CSMD1: variants seen among roughly 807,000 people sequenced by gnomAD.
CSMD1 encodes the protein CUB and sushi domain-containing protein 1.
CSMD1 carries 213 observed loss-of-function variants against 417.5 expected under a neutral mutation model. The observed-to-expected ratio is 0.51, with a 90% CI of 0.46 to 0.57. The LOEUF (loss-of-function observed/expected upper bound fraction) is 0.57. Ranked by LOEUF, CSMD1 falls within the 20% of genes least tolerant of loss-of-function variation. The pLI, the probability that CSMD1 is intolerant of heterozygous loss-of-function variation, is 0.00. For synonymous variants in CSMD1, 2,862 were observed against 1,736.8 expected, an observed-to-expected ratio of 1.65 and a Z score of -16.11; for missense variants, 6,923 against 4,529.7, an observed-to-expected ratio of 1.53 and a Z score of -15.17.
intron 1 of CSMD1, among the ~76,000 whole-genome samples, chr8:4,908,678 C>A (rs889139152): frequency 6.6e-6 from 1 of 151,140 alleles, no homozygotes; most frequent in Admixed American, 6.6e-5. Context: ...AGGCTGTATT[C>A]AGTCTAGCAA....
intron 5 of CSMD1, among the ~76,000 whole-genome samples, chr8:3,965,029 T>A (rs891618197): frequency 1.3e-5 from 2 of 152,222 alleles, no homozygotes; most frequent in Non-Finnish European, 2.9e-5. Context: ...TGATAGTTTC[T>A]ACACAATGTG....
chr8:3,660,051 G>C (rs1300052703), intron 7 of CSMD1, among the ~76,000 whole-genome samples: 1 of 152,196 alleles, frequency 6.6e-6, no homozygotes, highest in African/African-American at 2.4e-5. Flanking sequence ...CCTGTGTTCA[G>C]CAACACGCTA....
At chr8:4,796,321 G>T (rs139889295) in intron 1 of CSMD1, among the ~76,000 whole-genome samples, 1 of 151,892 alleles carries the variant, frequency 6.6e-6, no homozygotes, top group Non-Finnish European at 1.5e-5. Flanking sequence ...GATGACAAGC[G>T]ACCAACGTGA....
chr8:3,580,771 T>A (rs1800348663), intron 9 of CSMD1, among the ~76,000 whole-genome samples: 1 of 152,170 alleles, frequency 6.6e-6, no homozygotes, highest in African/African-American at 2.4e-5. Context: ...ATCCTGACAC[T>A]GGATCTATAA....
At chr8:3,026,891 G>A (rs1809969854) in intron 51 of CSMD1, among the ~76,000 whole-genome samples, 1 of 152,194 alleles carries the variant, frequency 6.6e-6, no homozygotes, top group African/African-American at 2.4e-5. Flanking sequence ...TCTGCTGAAT[G>A]ACCTTGGTAA....
chr8:3,166,473 G>A (rs1460094211), intron 37 of CSMD1, among the ~76,000 whole-genome samples: 1 of 152,144 alleles, frequency 6.6e-6, no homozygotes, highest in African/African-American at 2.4e-5. Context: ...AGCAGAGGTT[G>A]CAGTGAGCCA....
intron 3 of CSMD1, among the ~76,000 whole-genome samples, chr8:4,333,341 A>C (rs1365011237): frequency 6.6e-6 from 1 of 152,128 alleles, no homozygotes; most frequent in Non-Finnish European, 1.5e-5. Flanking sequence ...GATGATACAG[A>C]AAGGGCGAGC....
intron 25 of CSMD1, among the ~76,000 whole-genome samples, chr8:3,297,464 T>A (rs1390723107): frequency 6.6e-6 from 1 of 152,152 alleles, no homozygotes; most frequent in Non-Finnish European, 1.5e-5. Flanking sequence ...TTGTACTAGA[T>A]AAGCAAATAG....
intron 1 of CSMD1, among the ~76,000 whole-genome samples, chr8:4,981,138 G>C (rs1375740640): frequency 6.7e-6 from 1 of 149,958 alleles, no homozygotes; most frequent in Non-Finnish European, 1.5e-5. Context: ...CCTGAAAATG[G>C]GATCAAAATA....
At chr8:3,921,978 G>A (rs1334795607) in intron 5 of CSMD1, among the ~76,000 whole-genome samples, 2 of 152,114 alleles carry the variant, frequency 1.3e-5, no homozygotes, top group Non-Finnish European at 2.9e-5. Context: ...TTGGAAAGCA[G>A]TGCATTAAAG....
rs767170676 is a variant in CSMD1 at position 2,966,621 on chromosome 8, G to A, written c.9049C>T (p.Arg3017Trp). ...CAGGTCCCATTGGCTGTGCAATGCC[G>A]TGTCATGAGCCCTGAGGTCTTGTAG... ...EGYKTSGLMT[R>W]HCTANGTWTG... Residue 3017 changes from arginine to tryptophan, a missense_variant, in exon 58 of 70, where the codon CGG becomes TGG. Coordinates refer to ENST00000635120, the MANE Select transcript of CSMD1 (RefSeq NM_033225.6). 4 of 1,613,648 alleles carry A rather than the reference G, an allele frequency of 2.5e-6. No homozygotes were observed. The highest frequency in any genetic ancestry group is 3.4e-6 in the Non-Finnish European group (4 of 1,179,744).
At chr8:3,527,511 A>T (rs754028354) in intron 10 of CSMD1, among the ~76,000 whole-genome samples, 3 of 152,084 alleles carry the variant, frequency 2.0e-5, no homozygotes, top group Non-Finnish European at 4.4e-5. Context: ...CTGCCTGGTG[A>T]GGGAGCTGGG....
chr8:4,388,835 C>G, intron 3 of CSMD1, among the ~76,000 whole-genome samples: 1 of 152,178 alleles, frequency 6.6e-6, no homozygotes, highest in East Asian at 1.9e-4. Context: ...CCTGCCTTCC[C>G]TTTGATTTAA....
At chr8:4,537,355 T>C (rs551837559) in intron 2 of CSMD1, among the ~76,000 whole-genome samples, 15 of 152,318 alleles carry the variant, frequency 9.8e-5, no homozygotes, top group African/African-American at 3.6e-4. Flanking sequence ...GATTATTATA[T>C]AAAGAAAGTT....
chr8:4,661,406 G>T (rs930428105), intron 1 of CSMD1, among the ~76,000 whole-genome samples: 1 of 152,174 alleles, frequency 6.6e-6, no homozygotes, highest in African/African-American at 2.4e-5. Flanking sequence ...GTATGCTATA[G>T]GATTCGATTT....
intron 7 of CSMD1, among the ~76,000 whole-genome samples, chr8:3,636,074 TTA>T (rs1797031928): frequency 8.5e-6 from 1 of 118,342 alleles, no homozygotes; most frequent in African/African-American, 3.0e-5. Context: ...TTCTATTTTA[TTA>T]TTTTTTTGTA....
chr8:4,539,554 C>G (rs558400239), intron 2 of CSMD1, among the ~76,000 whole-genome samples: 9 of 152,262 alleles, frequency 5.9e-5, no homozygotes, highest in Admixed American at 5.9e-4. Flanking sequence ...TAGCAAACTT[C>G]CAACATTTTT....
chr8:3,956,240 C>A (rs1014069456), intron 5 of CSMD1, among the ~76,000 whole-genome samples: 1 of 152,156 alleles, frequency 6.6e-6, no homozygotes, highest in South Asian at 2.1e-4. Flanking sequence ...GTGTTGTTAA[C>A]TTTTTCACAA....
chr8:4,101,386 G>A (rs574336517), intron 3 of CSMD1, among the ~76,000 whole-genome samples: 1 of 152,090 alleles, frequency 6.6e-6, no homozygotes, highest in Non-Finnish European at 1.5e-5. Context: ...CCCTGACAAC[G>A]ATCCCACTCA....
Sources: allele counts gnomAD v4.1 joint callset (sites outside exome capture counted in the v4.1 genomes callset), GRCh38; gene constraint gnomAD v4.1.1; transcripts MANE v1.5; gene names NCBI Gene and HGNC (gene_info 2026-07-23, HGNC 2026-07-21).